The following FAM81B variants were observed in gnomAD, a reference collection of about 807,000 sequenced individuals.
FAM81B encodes protein FAM81B.
FAM81B carries 60 observed loss-of-function variants against 58.7 expected under a neutral mutation model. The ratio of observed to expected loss-of-function variants is 1.02; its 90% CI spans 0.83 to 1.27. FAM81B has a LOEUF of 1.27. FAM81B is among the 50% of genes most tolerant of loss of function. The pLI is 0.00. For synonymous variants in FAM81B, 189 were observed against 179.6 expected (o/e 1.05, Z -0.42); for missense variants, 491 against 522.0 (o/e 0.94, Z 0.58).
chr5:95,417,749 A>C (rs1249099564), intron 4 of FAM81B, among the ~76,000 whole-genome samples: 1 of 152,156 alleles, frequency 6.6e-6, no homozygotes, highest in Admixed American at 6.5e-5. Flanking sequence ...TATGATTTCA[A>C]ACAACCAGCA....
Position 95,415,802 on chromosome 5 carries a change from C to T in FAM81B, c.537+1612C>T, listed in dbSNP as rs554356028. Among the ~76,000 whole-genome samples, 30 of 152,288 alleles carry T rather than the reference C, an allele frequency of 2.0e-4. No individual in the cohort carries two copies. In the South Asian group the frequency reaches 6.0e-3, roughly 31 times the overall value. ...GATTGTTATATGGTTGATTACATTA[C>T]ATTGAGTCAAGATCCGCCCAGATGT... On this transcript the variant is annotated intron_variant, in intron 4 of 9. Transcript: ENST00000283357.
intron 3 of FAM81B, among the ~76,000 whole-genome samples, chr5:95,412,120 G>A (rs186877124): frequency 6.6e-6 from 1 of 151,626 alleles, no homozygotes; most frequent in East Asian, 1.9e-4. Flanking sequence ...ATATTTTGAA[G>A]TCTTGCATGG....
chr5:95,434,373 G>A (rs1187360643), intron 6 of FAM81B, among the ~76,000 whole-genome samples: 1 of 152,136 alleles, frequency 6.6e-6, no homozygotes, highest in African/African-American at 2.4e-5. Flanking sequence ...TTTCCATGTG[G>A]CCTTTCTCCA....
At chr5:95,420,502 A>G in intron 5 of FAM81B, 100 bp downstream of exon 5, 1 of 1,516,738 alleles carries the variant, frequency 6.6e-7, no homozygotes, top group Non-Finnish European at 9.0e-7. Context: ...GATATTGTCT[A>G]CACATTAAGC....
intron 4 of FAM81B, 62 bp from the exon 5 acceptor site, chr5:95,420,222 A>G (rs1346618370): frequency 1.2e-6 from 2 of 1,603,852 alleles, no homozygotes; most frequent in East Asian, 2.2e-5. Flanking sequence ...CCCCTGCTTT[A>G]AATGATGTTT....
chr5:95,396,022 T>TA (rs1182957215), intron 2 of FAM81B, 89 bp from the exon 3 acceptor site: 6 of 1,073,730 alleles, frequency 5.6e-6, no homozygotes, highest in Non-Finnish European at 8.3e-6. Flanking sequence ...ACATTTTGTT[T>TA]AAAATTAAAA....
At chr5:95,414,313 G>C in intron 4 of FAM81B, 123 bp downstream of exon 4, 1 of 1,117,072 alleles carries the variant, frequency 9.0e-7, no homozygotes. Context: ...CTTAAGTTTA[G>C]ATGATTACAT....
chr5:95,413,016 G>A (rs569494614), intron 3 of FAM81B, among the ~76,000 whole-genome samples: 12 of 152,060 alleles, frequency 7.9e-5, no homozygotes, highest in Non-Finnish European at 1.5e-4. Context: ...CCTCTATATC[G>A]GCAAGCATCT....
chr5:95,395,166 G>A (rs962390698), intron 2 of FAM81B, among the ~76,000 whole-genome samples: 5 of 152,096 alleles, frequency 3.3e-5, no homozygotes, highest in African/African-American at 9.6e-5. Flanking sequence ...TCGGCTGGGC[G>A]CTGTGGCTCA....
Position 95,448,406 on chromosome 5 carries a change from A to T in FAM81B, c.1167A>T (p.Glu389Asp), listed in dbSNP as rs1745667912. 6.2e-7 allele frequency: 1 copy of T among 1,612,750 alleles called. No individual in the cohort carries two copies. Among genetic ancestry groups the T allele is most frequent in the East Asian group, 2.2e-5 (1 of 44,806 alleles). ...HMENKLSKKM[E>D]QMEKQIWGEL... is the part of the protein sequence containing the mutation. Reference sequence around the variant, plus strand: ...AAAATAAATTGTCCAAAAAGATGGAACAAATGGAAAAGCAGATCTGGGGTG... The same window carrying T: ...AAAATAAATTGTCCAAAAAGATGGATCAAATGGAAAAGCAGATCTGGGGTG... Residue 389 changes from glutamate (E) to aspartate (D), a missense_variant, in exon 9 of 10, where the codon GAA becomes GAT. Coordinates refer to ENST00000283357, the MANE Select transcript of FAM81B (RefSeq NM_152548.3).
chr5:95,403,124 T>C (rs1289799882), intron 3 of FAM81B, among the ~76,000 whole-genome samples: 2 of 152,254 alleles, frequency 1.3e-5, no homozygotes, highest in Non-Finnish European at 2.9e-5. Flanking sequence ...GTTTAGTCTT[T>C]AGGATACATT....
chr5:95,425,469 A>T (rs1178708322), intron 5 of FAM81B, among the ~76,000 whole-genome samples: 1 of 152,202 alleles, frequency 6.6e-6, no homozygotes, highest in Non-Finnish European at 1.5e-5. Flanking sequence ...GAAAGAAAAA[A>T]AATGTTATCT....
intron 3 of FAM81B, chr5:95,410,646 T>A (rs1227851628): frequency 6.6e-6 from 1 of 152,176 alleles, no homozygotes; most frequent in Admixed American, 6.5e-5. Context: ...TACATCTACA[T>A]AAGTATATAG....
intron 5 of FAM81B, among the ~76,000 whole-genome samples, chr5:95,425,339 A>G (rs1302642845): frequency 6.6e-6 from 1 of 152,218 alleles, no homozygotes; most frequent in African/African-American, 2.4e-5. Context: ...AAAGACTGCA[A>G]CGAGCATCCA....
chr5:95,406,787 G>A (rs1762258793), intron 3 of FAM81B, among the ~76,000 whole-genome samples: 1 of 152,004 alleles, frequency 6.6e-6, no homozygotes. Context: ...CAACATTTTT[G>A]TCAAAACCAT....
chr5:95,445,657 A>G lies in FAM81B; in HGVS notation c.894-905A>G, dbSNP rs115334322. Among the ~76,000 whole-genome samples, 1,060 of 152,258 alleles carry G rather than the reference A, an allele frequency of 7.0e-3. 6 individuals carry two copies. The highest frequency in any genetic ancestry group is 0.011 in the Non-Finnish European group (751 of 68,018). Reference sequence around the variant, plus strand: ...CCTCTATTACTTCTGCTTTTGCCCCACATGAGTAATTCAAGGCCTCTTTAA... The same window carrying G: ...CCTCTATTACTTCTGCTTTTGCCCCGCATGAGTAATTCAAGGCCTCTTTAA... On this transcript the variant is annotated intron_variant, in intron 7 of 9. Coordinates refer to ENST00000283357, the MANE Select transcript of FAM81B (RefSeq NM_152548.3).
chr5:95,441,429 C>T (rs538925679), intron 7 of FAM81B, among the ~76,000 whole-genome samples: 173 of 151,944 alleles, frequency 1.1e-3, no homozygotes, highest in South Asian at 9.4e-3. Flanking sequence ...ATTAGCCGGC[C>T]GTGGTGGCGG....
At chr5:95,408,104 GAGAGAGA>G in intron 3 of FAM81B, among the ~76,000 whole-genome samples, 1 of 151,808 alleles carries the variant, frequency 6.6e-6, no homozygotes, top group Non-Finnish European at 1.5e-5. Flanking sequence ...GAGAGAGAGA[GAGAGAGA>G]GGAGGGAAGG....
intron 8 of FAM81B, 103 bp downstream of exon 8, chr5:95,446,800 C>T (rs1347280840): frequency 4.1e-6 from 6 of 1,450,990 alleles, no homozygotes; most frequent in Non-Finnish European, 5.6e-6. Context: ...GTAATCTTCA[C>T]TGCTTCAGTA....
Sources: allele counts gnomAD v4.1 joint callset (sites outside exome capture counted in the v4.1 genomes callset), GRCh38; gene constraint gnomAD v4.1.1; transcripts MANE v1.5; gene names NCBI Gene and HGNC (gene_info 2026-07-23, HGNC 2026-07-21).